Variants in TMTC2 observed in about 807,000 individuals in gnomAD.
TMTC2 encodes the protein protein O-mannosyl-transferase TMTC2.
A neutral mutation model predicts 82.4 loss-of-function variants in TMTC2; 43 were observed. The observed-to-expected ratio is 0.52, with a 90% CI of 0.41 to 0.67. TMTC2 has a LOEUF of 0.67. TMTC2 is among the 30% of genes least tolerant of loss of function. The pLI is 0.00. For missense variants in TMTC2, 919 were observed against 1,012.4 expected (o/e 0.91, Z 1.25); for synonymous variants, 408 against 381.9 (o/e 1.07, Z -0.80).
chr12:83,113,370 T>C (rs1172044740), intron 11 of TMTC2, among the ~76,000 whole-genome samples: 1 of 152,190 alleles, frequency 6.6e-6, no homozygotes, highest in South Asian at 2.1e-4. Context: ...ATGTGCTTCT[T>C]ATCGATAAAA....
At chr12:82,985,560 TAA>T (rs1879119442) in intron 7 of TMTC2, among the ~76,000 whole-genome samples, 2 of 151,740 alleles carry the variant, frequency 1.3e-5, no homozygotes, top group South Asian at 4.2e-4. Context: ...TCTAAAGGAA[TAA>T]ATGAATATGA....
chr12:83,037,540 A>T (rs1881710692), intron 9 of TMTC2, among the ~76,000 whole-genome samples: 1 of 152,202 alleles, frequency 6.6e-6, no homozygotes, highest in African/African-American at 2.4e-5. Context: ...TGTCCCTTTA[A>T]TGCTCTAAGA....
intron 11 of TMTC2, among the ~76,000 whole-genome samples, chr12:83,099,952 G>A (rs764379505): frequency 2.1e-4 from 32 of 149,810 alleles, no homozygotes; most frequent in South Asian, 8.4e-4. Context: ...GTCTCTCTCC[G>A]TCACCCAGGC....
At chr12:83,078,433 A>G (rs1374062317) in intron 11 of TMTC2, among the ~76,000 whole-genome samples, 4 of 152,192 alleles carry the variant, frequency 2.6e-5, no homozygotes, top group Non-Finnish European at 5.9e-5. Flanking sequence ...ATATATTGCC[A>G]TAACATCATG....
At chr12:82,776,968 C>T (rs1318354933) in intron 1 of TMTC2, among the ~76,000 whole-genome samples, 1 of 152,052 alleles carries the variant, frequency 6.6e-6, no homozygotes, top group Non-Finnish European at 1.5e-5. Flanking sequence ...GAAGGTGTAC[C>T]TTAAACTGCC....
intron 11 of TMTC2, among the ~76,000 whole-genome samples, chr12:83,094,309 C>T (rs966002605): frequency 6.6e-6 from 1 of 152,170 alleles, no homozygotes; most frequent in Non-Finnish European, 1.5e-5. Flanking sequence ...CCAAGCAATA[C>T]CTGCTCTGGG....
At chr12:82,739,533 A>G (rs368736213) in intron 1 of TMTC2, among the ~76,000 whole-genome samples, 86 of 152,266 alleles carry the variant, frequency 5.6e-4, no homozygotes, top group South Asian at 1.7e-3. Context: ...GTGCCTTATA[A>G]TTAGGACTTG....
At chr12:82,761,314 A>C (rs953013262) in intron 1 of TMTC2, among the ~76,000 whole-genome samples, 5 of 152,310 alleles carry the variant, frequency 3.3e-5, no homozygotes, top group African/African-American at 1.2e-4. Context: ...CTGGTATGTT[A>C]TGATGTTTAC....
intron 1 of TMTC2, among the ~76,000 whole-genome samples, chr12:82,814,763 TCAGA>T (rs1405622952): frequency 1.3e-5 from 2 of 152,090 alleles, no homozygotes; most frequent in African/African-American, 4.8e-5. Context: ...ACAGAAATAG[TCAGA>T]TGTGGTTGAG....
At chr12:82,752,979 G>T (rs1876098144) in intron 1 of TMTC2, among the ~76,000 whole-genome samples, 1 of 151,990 alleles carries the variant, frequency 6.6e-6, no homozygotes, top group South Asian at 2.1e-4. Context: ...TGTTCCTGCT[G>T]TTCTCGAGGG....
intron 8 of TMTC2, among the ~76,000 whole-genome samples, chr12:83,001,203 C>T (rs1879905391): frequency 6.6e-6 from 1 of 152,174 alleles, no homozygotes; most frequent in African/African-American, 2.4e-5. Flanking sequence ...TTTAGTTTCT[C>T]CTCAGAAAAT....
At chr12:82,956,664 G>A (rs1359802888) in intron 4 of TMTC2, among the ~76,000 whole-genome samples, 2 of 152,028 alleles carry the variant, frequency 1.3e-5, no homozygotes, top group African/African-American at 2.4e-5. Context: ...ATGTTGACCA[G>A]ACTGGTATTG....
At chr12:82,882,417 G>T (rs1872880465) in intron 2 of TMTC2, among the ~76,000 whole-genome samples, 1 of 152,164 alleles carries the variant, frequency 6.6e-6, no homozygotes, top group South Asian at 2.1e-4. Context: ...AAAGATTTGG[G>T]ATTAGAGTTG....
At chr12:82,991,032 G>A (rs538817839) in intron 8 of TMTC2, among the ~76,000 whole-genome samples, 13 of 152,236 alleles carry the variant, frequency 8.5e-5, no homozygotes, top group Non-Finnish European at 1.8e-4. Flanking sequence ...CAGTGCCTGT[G>A]CTTGACATGT....
chr12:82,865,330 T>C (rs984336017), intron 2 of TMTC2, among the ~76,000 whole-genome samples: 6 of 151,682 alleles, frequency 4.0e-5, no homozygotes, highest in African/African-American at 1.2e-4. Context: ...ACCAAGCAAA[T>C]GGAAAACAAA....
intron 4 of TMTC2, among the ~76,000 whole-genome samples, chr12:82,954,090 C>A (rs1877487908): frequency 6.6e-6 from 1 of 151,868 alleles, no homozygotes; most frequent in East Asian, 1.9e-4. Context: ...TCCTAATTTT[C>A]ATTTGTCTTA....
intron 1 of TMTC2, among the ~76,000 whole-genome samples, chr12:82,756,686 G>A (rs2136973942): frequency 6.6e-6 from 1 of 152,328 alleles, no homozygotes; most frequent in Non-Finnish European, 1.5e-5. Context: ...TCTGTCAAAT[G>A]TGGAGGCATT....
intron 9 of TMTC2, among the ~76,000 whole-genome samples, chr12:83,039,607 G>A (rs1228923757): frequency 2.6e-5 from 4 of 152,014 alleles, no homozygotes; most frequent in Admixed American, 2.0e-4. Flanking sequence ...TTACAGATGA[G>A]GAGAGTGACG....
At chr12:82,898,983 C>A (rs377350328) in intron 3 of TMTC2, among the ~76,000 whole-genome samples, 2 of 152,162 alleles carry the variant, frequency 1.3e-5, no homozygotes, top group Non-Finnish European at 2.9e-5. Context: ...CTGAAAGTTA[C>A]GATTCTAAAT....
Sources: allele counts gnomAD v4.1 joint callset (sites outside exome capture counted in the v4.1 genomes callset), GRCh38; gene constraint gnomAD v4.1.1; transcripts MANE v1.5; gene names NCBI Gene and HGNC (gene_info 2026-07-23, HGNC 2026-07-21).